The following DPP10 variants were observed in gnomAD, a reference collection of about 807,000 sequenced individuals.
The protein encoded by DPP10 is dipeptidyl peptidase like 10.
DPP10 carries 33 observed loss-of-function variants against 120.9 expected under a neutral mutation model. The observed-to-expected ratio is 0.27, with a 90% CI of 0.21 to 0.37. DPP10 has a LOEUF of 0.37. Ranked by LOEUF, DPP10 falls within the 10% of genes least tolerant of loss-of-function variation. DPP10 has a pLI of 1.00. For synonymous variants in DPP10, 337 were observed against 326.1 expected (o/e 1.03, Z -0.36); for missense variants, 816 against 942.8 (o/e 0.87, Z 1.76).
At chr2:115,682,874 T>C (rs1040536422) in intron 5 of DPP10, among the ~76,000 whole-genome samples, 3 of 151,884 alleles carry the variant, frequency 2.0e-5, no homozygotes, top group African/African-American at 7.2e-5. Flanking sequence ...GGAAATACAC[T>C]ATAAATTATA....
intron 1 of DPP10, among the ~76,000 whole-genome samples, chr2:114,878,491 G>A (rs1240458562): frequency 6.6e-6 from 1 of 151,958 alleles, no homozygotes; most frequent in Non-Finnish European, 1.5e-5. Context: ...CCTAATAATA[G>A]TCTCTCTACT....
At chr2:114,980,009 A>G (rs1022626315) in intron 1 of DPP10, among the ~76,000 whole-genome samples, 2 of 152,132 alleles carry the variant, frequency 1.3e-5, no homozygotes, top group Admixed American at 1.3e-4. Context: ...TTAAGTCTCT[A>G]TTAATCAAGT....
chr2:115,137,765 C>T (rs897005826), intron 1 of DPP10, among the ~76,000 whole-genome samples: 8 of 152,098 alleles, frequency 5.3e-5, no homozygotes, highest in African/African-American at 1.2e-4. Context: ...GAAGGCAGGG[C>T]GTAGAGAATG....
chr2:114,488,318 G>T (rs909407321), intron 1 of DPP10, among the ~76,000 whole-genome samples: 1 of 152,092 alleles, frequency 6.6e-6, no homozygotes, highest in Non-Finnish European at 1.5e-5. Context: ...AAGTTACTTT[G>T]TGCCTCAGTT....
At chr2:115,225,529 G>T (rs1055324613) in intron 1 of DPP10, among the ~76,000 whole-genome samples, 1 of 151,630 alleles carries the variant, frequency 6.6e-6, no homozygotes, top group Admixed American at 6.6e-5. Flanking sequence ...GTGTGTGTGT[G>T]TATGCATGTA....
intron 1 of DPP10, among the ~76,000 whole-genome samples, chr2:114,583,601 G>A (rs752476931): frequency 3.9e-5 from 6 of 152,154 alleles, no homozygotes; most frequent in Non-Finnish European, 8.8e-5. Context: ...TTCTTGCAGA[G>A]AAATCTGGGG....
intron 1 of DPP10, among the ~76,000 whole-genome samples, chr2:114,800,459 C>A (rs983487387): frequency 6.6e-6 from 1 of 152,094 alleles, no homozygotes; most frequent in Non-Finnish European, 1.5e-5. Flanking sequence ...ACTTCACATA[C>A]GAGGAATGCT....
chr2:115,386,806 C>T (rs937294363), intron 3 of DPP10, among the ~76,000 whole-genome samples: 8 of 151,600 alleles, frequency 5.3e-5, no homozygotes, highest in African/African-American at 1.5e-4. Context: ...TGGCATATTT[C>T]GGGGGTGACA....
At chr2:115,563,425 C>T (rs1374286754) in intron 5 of DPP10, among the ~76,000 whole-genome samples, 1 of 151,922 alleles carries the variant, frequency 6.6e-6, no homozygotes, top group Non-Finnish European at 1.5e-5. Flanking sequence ...AGCAAAAGCC[C>T]CTGCACTCGA....
At chr2:114,890,601 C>T (rs74827798) in intron 1 of DPP10, among the ~76,000 whole-genome samples, 3,295 of 152,288 alleles carry the variant, frequency 0.022, 127 homozygotes, top group African/African-American at 0.075. Context: ...TAAATCATCA[C>T]TTATTTGTTG....
In DPP10 at chr2:114,752,562, C is replaced by T. The variant is rs575262163; in HGVS notation, c.60+309724C>T. 4.1e-4 allele frequency among the ~76,000 whole-genome samples: 62 copies of T among 152,298 alleles called. 1 individual carries two copies. In the South Asian group the frequency reaches 0.013, roughly 31 times the overall value. On this transcript the variant is annotated intron_variant, in intron 1 of 25. Coordinates refer to ENST00000410059, the MANE Select transcript of DPP10 (RefSeq NM_020868.6). ...AAGATATCAGTTTGTTACTCACCGCCAAGAGCCTGAGGAGGCAGGACTCAA... is the reference window on the plus strand; with the variant it reads ...AAGATATCAGTTTGTTACTCACCGCTAAGAGCCTGAGGAGGCAGGACTCAA...
chr2:115,494,026 G>A lies in DPP10; in HGVS notation c.272-5484G>A, dbSNP rs190126357. Among the ~76,000 whole-genome samples, 194 of 152,212 alleles carry A rather than the reference G, an allele frequency of 1.3e-3. 2 individuals are homozygous for A. Among genetic ancestry groups the A allele is most frequent in the African/African-American group, 4.6e-3 (191 of 41,546 alleles). The stretch of plus-strand genomic sequence containing the variant: ...TACAGTGGTGCAACATTGGCTCAAT[G>A]CAACCTCCGCCTCCCAGGTTCAAGC... On this transcript the variant is annotated intron_variant, in intron 3 of 25. Coordinates refer to ENST00000410059, the MANE Select transcript of DPP10 (RefSeq NM_020868.6).
chr2:115,670,823 A>G (rs2089817062), intron 5 of DPP10, among the ~76,000 whole-genome samples: 1 of 152,106 alleles, frequency 6.6e-6, no homozygotes, highest in Admixed American at 6.6e-5. Flanking sequence ...AGGCCAAATA[A>G]AAGTTAGATT....
intron 1 of DPP10, among the ~76,000 whole-genome samples, chr2:114,787,015 A>G (rs1167738814): frequency 2.6e-5 from 4 of 152,106 alleles, no homozygotes; most frequent in African/African-American, 9.7e-5. Flanking sequence ...CCTCTCTCTC[A>G]TGGGGTTCAC....
intron 4 of DPP10, among the ~76,000 whole-genome samples, chr2:115,524,661 T>A (rs186921372): frequency 2.6e-5 from 4 of 152,154 alleles, no homozygotes; most frequent in Non-Finnish European, 4.4e-5. Context: ...TCTAAACTTG[T>A]AATCGCATGA....
At chr2:115,599,555 A>G (rs1322140335) in intron 5 of DPP10, among the ~76,000 whole-genome samples, 3 of 152,066 alleles carry the variant, frequency 2.0e-5, no homozygotes, top group South Asian at 4.1e-4. Context: ...CTAAGATTTT[A>G]TACTCTACCT....
intron 3 of DPP10, among the ~76,000 whole-genome samples, chr2:115,410,204 A>G (rs2104570913): frequency 6.6e-6 from 1 of 152,334 alleles, no homozygotes; most frequent in South Asian, 2.1e-4. Context: ...AGCACTACTC[A>G]CAATAGCAAA....
intron 13 of DPP10, among the ~76,000 whole-genome samples, chr2:115,776,958 A>T (rs1682177582): frequency 6.6e-6 from 1 of 152,020 alleles, no homozygotes. Flanking sequence ...TCAACATGGT[A>T]TACTTGATTC....
At chr2:114,450,727 T>TA (rs535824596) in intron 1 of DPP10, among the ~76,000 whole-genome samples, 1,431 of 132,778 alleles carry the variant, frequency 0.011, 8 homozygotes, top group African/African-American at 0.026. Context: ...CTTCTGTAAG[T>TA]AAAAAAAAAA....
Sources: gnomAD v4.1 joint callset for allele counts (sites outside exome capture counted in the v4.1 genomes callset) on GRCh38, gnomAD v4.1.1 for gene constraint, MANE v1.5 for transcripts, NCBI Gene and HGNC (gene_info 2026-07-23, HGNC 2026-07-21) for gene names.